The following LRRC7 variants were observed in gnomAD, a reference collection of about 807,000 sequenced individuals.
LRRC7 encodes leucine rich repeat containing 7, also known as leucine-rich repeat-containing protein 7.
A neutral mutation model predicts 175.7 loss-of-function variants in LRRC7; 23 were observed. The observed-to-expected ratio is 0.13, with a 90% CI of 0.09 to 0.19. The LOEUF is 0.19. Among genes scored for constraint, LRRC7 ranks in the 10% least tolerant of loss-of-function variants. The pLI is 1.00. For synonymous variants in LRRC7, 685 were observed against 680.9 expected, an observed-to-expected ratio of 1.01 and a Z score of -0.09; for missense variants, 1,354 against 1,904.7, an observed-to-expected ratio of 0.71 and a Z score of 5.38.
chr1:69,788,410 C>T (rs1315657624), intron 3 of LRRC7, among the ~76,000 whole-genome samples: 1 of 152,192 alleles, frequency 6.6e-6, no homozygotes, highest in Non-Finnish European at 1.5e-5. Flanking sequence ...GTTCACCATA[C>T]TTCTGAAACA....
At chr1:69,955,504 G>A (rs1251654620) in intron 8 of LRRC7, among the ~76,000 whole-genome samples, 3 of 152,048 alleles carry the variant, frequency 2.0e-5, no homozygotes, top group African/African-American at 7.2e-5. Context: ...CACAAAAATG[G>A]GAATGGAAAG....
At chr1:70,091,337 A>G (rs1289769606) in intron 25 of LRRC7, among the ~76,000 whole-genome samples, 1 of 152,080 alleles carries the variant, frequency 6.6e-6, no homozygotes, top group African/African-American at 2.4e-5. Context: ...TAAAACCTCA[A>G]ATCATTATGT....
chr1:69,709,688 T>G (rs1459209804), intron 2 of LRRC7, among the ~76,000 whole-genome samples: 1 of 152,214 alleles, frequency 6.6e-6, no homozygotes, highest in Non-Finnish European at 1.5e-5. Context: ...ATACTCTGTA[T>G]GATAGAGAGT....
At chr1:69,777,144 C>G (rs1363847924) in intron 3 of LRRC7, among the ~76,000 whole-genome samples, 1 of 152,156 alleles carries the variant, frequency 6.6e-6, no homozygotes, top group African/African-American at 2.4e-5. Flanking sequence ...CTGCCAGCAG[C>G]CTACCTACAG....
In LRRC7 at chr1:70,036,618, G is replaced by C. The variant is rs759218726; in HGVS notation, c.2282G>C (p.Gly761Ala). 1.2e-6 allele frequency: 2 copies of C among 1,606,116 alleles called. No homozygotes were observed. The highest frequency in any genetic ancestry group is 1.7e-6 in the Non-Finnish European group (2 of 1,177,636). ...AKDAVHNSLW[G>A]NRIAPSFPQP... ...GATGCAGTACATAATTCTTTGTGGG[G>C]TAACAGGTGTGTTTAGAATTCCCTC... is the stretch of plus-strand genomic sequence containing the variant. The change falls in exon 20 of 27, where the codon GGT becomes GCT. Residue 761 changes from glycine (G) to alanine (A), a missense_variant. This residue lies in a region of LRRC7 where 1,032 missense variants were observed against 1,227.2 expected (regional missense o/e 0.84). Coordinates refer to ENST00000651989, the MANE Select transcript of LRRC7 (RefSeq NM_001370785.2).
At chr1:69,745,561 G>A (rs1357780350) in intron 2 of LRRC7, among the ~76,000 whole-genome samples, 2 of 151,798 alleles carry the variant, frequency 1.3e-5, no homozygotes, top group East Asian at 3.9e-4. Flanking sequence ...AAAAAGATTG[G>A]CCAAATAAAT....
At chr1:70,010,470 C>CAGGA (rs1557983907) in intron 11 of LRRC7, among the ~76,000 whole-genome samples, 1 of 152,088 alleles carries the variant, frequency 6.6e-6, no homozygotes, top group Non-Finnish European at 1.5e-5. Context: ...GAGGCTGAGA[C>CAGGA]AGGAGCATCA....
intron 1 of LRRC7, among the ~76,000 whole-genome samples, chr1:69,631,251 C>A (rs780772312): frequency 6.6e-6 from 1 of 152,134 alleles, no homozygotes; most frequent in African/African-American, 2.4e-5. Flanking sequence ...ACCAAGGCTG[C>A]AAATGACCAA....
rs79825638 is a variant in LRRC7, at chr1:70,134,012, T to A, written c.*12125T>A. 7.8e-3 allele frequency among the ~76,000 whole-genome samples: 1,188 copies of A among 152,344 alleles called. 13 individuals carry two copies. The highest frequency in any genetic ancestry group is 0.027 in the African/African-American group (1,119 of 41,574). ...AATTCTAAAACTAGTCCAATCTGAATATGTGTGCATCTGGGTATAGCTTTA... is the reference window on the plus strand; with the variant it reads ...AATTCTAAAACTAGTCCAATCTGAAAATGTGTGCATCTGGGTATAGCTTTA... On this transcript the variant is annotated 3_prime_UTR_variant, in exon 27 of 27. Transcript: ENST00000651989.
chr1:69,684,879 A>C (rs1660938931), intron 2 of LRRC7, among the ~76,000 whole-genome samples: 1 of 152,198 alleles, frequency 6.6e-6, no homozygotes, highest in Non-Finnish European at 1.5e-5. Context: ...CACCTGCAGA[A>C]ACAGAACAGT....
intron 2 of LRRC7, among the ~76,000 whole-genome samples, chr1:69,727,060 T>G (rs1223631652): frequency 6.6e-6 from 1 of 152,100 alleles, no homozygotes; most frequent in Non-Finnish European, 1.5e-5. Context: ...AACCTAAGGG[T>G]AGCACTGGAG....
chr1:69,648,907 A>G (rs1655382101), intron 1 of LRRC7, among the ~76,000 whole-genome samples: 1 of 151,748 alleles, frequency 6.6e-6, no homozygotes, highest in South Asian at 2.1e-4. Flanking sequence ...TAAAGGTATC[A>G]CTATGAGAAA....
chr1:69,922,961 T>G (rs1008625948), intron 7 of LRRC7, among the ~76,000 whole-genome samples: 9 of 151,616 alleles, frequency 5.9e-5, no homozygotes, highest in Non-Finnish European at 1.2e-4. Flanking sequence ...TCCCTATCCC[T>G]CCCCCCTCCT....
At chr1:69,838,995 T>A in intron 7 of LRRC7, 2 of 238,290 alleles carry the variant, frequency 8.4e-6, no homozygotes, top group South Asian at 8.7e-5. Context: ...GTATAACTTG[T>A]ATATGTTATG....
At chr1:69,627,377 G>C (rs1011221715) in intron 1 of LRRC7, among the ~76,000 whole-genome samples, 3 of 152,144 alleles carry the variant, frequency 2.0e-5, no homozygotes, top group Admixed American at 6.5e-5. Flanking sequence ...GTCTTCTTTT[G>C]AGAAGTGTCT....
chr1:69,832,746 ATGTATAC>A (rs1304485650), intron 5 of LRRC7, among the ~76,000 whole-genome samples: 15 of 152,066 alleles, frequency 9.9e-5, no homozygotes, highest in African/African-American at 3.6e-4. Context: ...TATTTTGTAA[ATGTATAC>A]TGTATGTTCA....
At chr1:69,778,217 T>C (rs957999394) in intron 3 of LRRC7, among the ~76,000 whole-genome samples, 6 of 152,306 alleles carry the variant, frequency 3.9e-5, no homozygotes, top group Non-Finnish European at 7.4e-5. Flanking sequence ...CATATTACCA[T>C]GTATACAATT....
At chr1:69,579,971 C>T (rs1321971480) in intron 1 of LRRC7, among the ~76,000 whole-genome samples, 2 of 152,052 alleles carry the variant, frequency 1.3e-5, no homozygotes, top group African/African-American at 2.4e-5. Context: ...ACTGCTTGCT[C>T]TTTCCCTAAT....
rs1382039364 is a variant in LRRC7 at position 70,141,306 on chromosome 1, G to T, written c.*19419G>T. The T allele has an allele frequency of 1.3e-5, 2 of 152,076 alleles. No individual in the cohort carries two copies. Among genetic ancestry groups the T allele is most frequent in the Non-Finnish European group, 2.9e-5 (2 of 67,992 alleles). 9.4% of individuals were successfully genotyped at this position (152,076 alleles called of 1,614,324 possible). A position where few individuals can be genotyped will look rare whatever the true frequency, so the allele number is the denominator to read the frequency against. ...TTTTTAAGAGTTAAGTCAGTAGAAA[G>T]GGAGCCTGCAAATGAGACAATAGCT... On this transcript the variant is annotated 3_prime_UTR_variant, in exon 27 of 27. Transcript: ENST00000651989.
Sources: gnomAD v4.1 joint callset for allele counts (sites outside exome capture counted in the v4.1 genomes callset) on GRCh38, gnomAD v4.1.1 for gene constraint, gnomAD v4.1.1 regional missense constraint, MANE v1.5 for transcripts, NCBI Gene and HGNC (gene_info 2026-07-23, HGNC 2026-07-21) for gene names.